FBLN7: variants seen among roughly 807,000 people sequenced by gnomAD.
The protein encoded by FBLN7 is fibulin-7.
In FBLN7, 31 loss-of-function variants were observed where a neutral mutation model predicts 44.0. The ratio of observed to expected loss-of-function variants is 0.70; its 90% CI spans 0.53 to 0.95. The LOEUF (loss-of-function observed/expected upper bound fraction) is 0.95, where lower values mean the gene tolerates loss of function less well. Among genes scored for constraint, FBLN7 ranks in the 40% least tolerant of loss-of-function variants. The pLI is 0.00. For missense variants in FBLN7, 573 were observed against 618.5 expected, an observed-to-expected ratio of 0.93 and a Z score of 0.78; for synonymous variants, 262 against 253.4, an observed-to-expected ratio of 1.03 and a Z score of -0.32.
intron 1 of FBLN7, among the ~76,000 whole-genome samples, chr2:112,148,756 C>T (rs1056062616): frequency 7.9e-5 from 12 of 152,172 alleles, no homozygotes; most frequent in African/African-American, 2.9e-4. Flanking sequence ...GGGCTTTTCT[C>T]ATGGTGGTTG....
intron 6 of FBLN7, among the ~76,000 whole-genome samples, chr2:112,183,775 G>A (rs542981302): frequency 2.0e-4 from 31 of 152,162 alleles, no homozygotes; most frequent in Admixed American, 4.6e-4. Flanking sequence ...ATTCCTGGCA[G>A]AGTGGGAAAG....
chr2:112,180,271 A>G (rs1406741797), intron 4 of FBLN7, among the ~76,000 whole-genome samples: 2 of 152,228 alleles, frequency 1.3e-5, no homozygotes, highest in African/African-American at 4.8e-5. Context: ...AGAAATGCAA[A>G]TCAAAACTAT....
At chr2:112,191,571 AT>A (rs893214146), downstream of FBLN7, among the ~76,000 whole-genome samples, 9 of 152,228 alleles carry the variant, frequency 5.9e-5, no homozygotes, top group Admixed American at 3.3e-4. Flanking sequence ...ATAACTACAC[AT>A]TAAAAAAAAT....
the FBLN7 span, among the ~76,000 whole-genome samples, chr2:112,228,199 C>CT: frequency 6.6e-6 from 1 of 152,062 alleles, no homozygotes; most frequent in Non-Finnish European, 1.5e-5. Flanking sequence ...AAGGGGCAGT[C>CT]TTTTTTTAAA....
chr2:112,184,674 C>CTGTATATGGTGTGTATATGGTATATATA (rs1683160832), intron 6 of FBLN7, among the ~76,000 whole-genome samples: 1 of 39,138 alleles, frequency 2.6e-5, no homozygotes, highest in African/African-American at 1.3e-4. Flanking sequence ...TATATATATG[C>CTGTATATGGTGTGTATATGGTATATATA]TGTATATGGT....
At chr2:112,169,677 G>A (rs1043708167) in intron 3 of FBLN7, among the ~76,000 whole-genome samples, 2 of 152,100 alleles carry the variant, frequency 1.3e-5, no homozygotes, top group Non-Finnish European at 1.5e-5. Flanking sequence ...ACTCAATGTC[G>A]AATCCCACAG....
In FBLN7 at chr2:112,187,599, C is replaced by T; in HGVS notation, c.*93C>T. 1 of 1,524,750 alleles carries T rather than the reference C, an allele frequency of 6.6e-7. No individual in the cohort carries two copies. The highest frequency in any genetic ancestry group is 8.9e-7 in the Non-Finnish European group (1 of 1,125,540). The allele number at this position is 1,524,750 out of a possible 1,614,324, so 94.5% of individuals were successfully genotyped here. A position where few individuals can be genotyped will look rare whatever the true frequency, so the allele number is the denominator to read the frequency against. On this transcript the variant is annotated 3_prime_UTR_variant, in exon 8 of 8. Coordinates refer to ENST00000331203, the MANE Select transcript of FBLN7 (RefSeq NM_153214.3). This position sits in a 1 kb window ranked among gnomAD's most constrained non-coding sequence, Gnocchi z 5.1. Reference sequence around the variant, plus strand: ...GCACCGACTGCGTGGAGCCTCCCGCCTGTTCCCGCCCTCTCACCAGTGCAC... The same window carrying T: ...GCACCGACTGCGTGGAGCCTCCCGCTTGTTCCCGCCCTCTCACCAGTGCAC...
the FBLN7 span, among the ~76,000 whole-genome samples, chr2:112,205,402 G>A: frequency 1.3e-5 from 2 of 150,850 alleles, no homozygotes; most frequent in African/African-American, 4.8e-5. Context: ...TATGTATGGA[G>A]TAACTACTAA....
At chr2:112,185,489 T>C in intron 7 of FBLN7, 150 bp downstream of exon 7, 11 of 1,105,164 alleles carry the variant, frequency 1.0e-5, no homozygotes, top group Non-Finnish European at 1.4e-5. Context: ...TGAATTTCCA[T>C]TTCCGCTTAG....
chr2:112,171,839 T>C (rs957285657), intron 3 of FBLN7, among the ~76,000 whole-genome samples: 7 of 152,300 alleles, frequency 4.6e-5, no homozygotes, highest in African/African-American at 1.4e-4. Flanking sequence ...CTCTGCCTCC[T>C]GGGTTCATGC....
At chr2:112,216,051 ACT>A in the FBLN7 span, 2 of 152,092 alleles carry the variant, frequency 1.3e-5, no homozygotes, top group African/African-American at 4.8e-5. Context: ...AAGAGAACTA[ACT>A]CTGTTTTTAT....
At chr2:112,225,672 C>T in the FBLN7 span, among the ~76,000 whole-genome samples, 1 of 152,106 alleles carries the variant, frequency 6.6e-6, no homozygotes, top group Admixed American at 6.6e-5. Context: ...CAAAAATTAG[C>T]TGGGCATGGT....
chr2:112,212,965 C>CTTTTTTTTTTTTT, the FBLN7 span: 19 of 84,894 alleles, frequency 2.2e-4, no homozygotes, highest in African/African-American at 4.2e-4. Context: ...AGAAGAAATG[C>CTTTTTTTTTTTTT]TTTTTTTTTT....
At chr2:112,183,079 A>G (rs1328061814) in intron 6 of FBLN7, 151 bp downstream of exon 6, 3 of 987,262 alleles carry the variant, frequency 3.0e-6, no homozygotes, top group Non-Finnish European at 4.3e-6. Flanking sequence ...GGGCTTCTCA[A>G]AGGTCAGGCC....
At chr2:112,227,916 GT>G in the FBLN7 span, among the ~76,000 whole-genome samples, 9 of 151,422 alleles carry the variant, frequency 5.9e-5, no homozygotes, top group Non-Finnish European at 1.3e-4. Flanking sequence ...CTCAGCATGG[GT>G]TTTTTGCAGA....
At chr2:112,178,257 C>CAAA (rs112844069) in intron 4 of FBLN7, among the ~76,000 whole-genome samples, 1,377 of 123,738 alleles carry the variant, frequency 0.011, 13 homozygotes, top group East Asian at 0.026. Context: ...ACAAGAAATA[C>CAAA]AAAAAAAAAA....
the FBLN7 span, chr2:112,230,997 T>G: frequency 8.9e-7 from 1 of 1,119,758 alleles, no homozygotes; most frequent in Non-Finnish European, 1.2e-6. Flanking sequence ...CATTCATGTG[T>G]AATTCAGGTA....
the FBLN7 span, among the ~76,000 whole-genome samples, chr2:112,196,884 A>T: frequency 6.6e-6 from 1 of 152,176 alleles, no homozygotes; most frequent in South Asian, 2.1e-4. Flanking sequence ...GCGGAAGGCA[A>T]AGGTGAAGCA....
chr2:112,165,002 T>G lies in FBLN7; in HGVS notation c.237T>G (p.Val79=). The G allele has an allele frequency of 1.2e-6, 2 of 1,613,618 alleles. No individual in the cohort carries two copies. Among genetic ancestry groups the G allele is most frequent in the Non-Finnish European group, 1.7e-6 (2 of 1,179,834 alleles). Reference sequence around the variant, plus strand: ...TAATCCTTCCATCTCTCCTTACAGTTTCCTGCCCGGCTCTGAACACCCCCG... The same window carrying G: ...TAATCCTTCCATCTCTCCTTACAGTGTCCTGCCCGGCTCTGAACACCCCCG... ...VGRVGPDALP[V]SCPALNTPAD... is the part of the protein sequence containing the mutation. Residue 79 remains valine, a splice_region_variant and synonymous_variant, in exon 3 of 8, where the codon GTT becomes GTG. Transcript: ENST00000331203.
Sources: gnomAD v4.1 joint callset for allele counts (sites outside exome capture counted in the v4.1 genomes callset) on GRCh38, gnomAD v4.1.1 for gene constraint, Gnocchi (gnomAD v3.1) non-coding constraint, MANE v1.5 for transcripts, NCBI Gene and HGNC (gene_info 2026-07-23, HGNC 2026-07-21) for gene names.